Variants in IMPG2 observed in about 807,000 individuals in gnomAD.
IMPG2 encodes the protein IPM 200.
Under a neutral mutation model 129.2 loss-of-function variants are expected in IMPG2, and 91 were observed. The ratio of observed to expected loss-of-function variants is 0.70; its 90% CI spans 0.59 to 0.84. The LOEUF is 0.84. Among genes scored for constraint, IMPG2 ranks in the 40% least tolerant of loss-of-function variants. The pLI is 0.00. For synonymous variants in IMPG2, 510 were observed against 517.7 expected (o/e 0.99, Z 0.20); for missense variants, 1,430 against 1,461.7 (o/e 0.98, Z 0.35).
At chr3:101,251,166 A>G (rs1390648927) in intron 11 of IMPG2, among the ~76,000 whole-genome samples, 2 of 152,242 alleles carry the variant, frequency 1.3e-5, no homozygotes, top group East Asian at 3.8e-4. Flanking sequence ...ATAACCTGGC[A>G]CACATTAGGA....
At position 101,283,587 on chromosome 3, in the gene IMPG2, G is replaced by A. The variant is rs559494561; in HGVS notation, c.534-6874C>T. ...ATATATACAGAGTATACAGTAGATG[G>A]CCAGAAGCCACAGAGTAGACTTGGC... On this transcript the variant is annotated intron_variant, in intron 4 of 18. Coordinates refer to ENST00000193391, the MANE Select transcript of IMPG2 (RefSeq NM_016247.4). Among the ~76,000 whole-genome samples, 19 of 152,146 alleles carry A rather than the reference G, an allele frequency of 1.2e-4. 1 individual carries two copies. Among genetic ancestry groups the A allele is most frequent in the African/African-American group, 4.6e-4 (19 of 41,504 alleles).
chr3:101,231,297 T>A, intron 15 of IMPG2, 152 bp from the exon 16 acceptor site: 1 of 773,526 alleles, frequency 1.3e-6, no homozygotes, highest in Non-Finnish European at 2.2e-6. Flanking sequence ...GATTAAAAGA[T>A]CATACAATTT....
In IMPG2 at chr3:101,319,752, G is replaced by A; in HGVS notation, c.166C>T (p.Leu56Phe). ...SFLLPEESTD[L>F]SLATKKKQPL... Reference sequence around the variant, plus strand: ...TGTTTCTTTTTGGTAGCTAGAGAAAGGTCTGTTGATTCTTCAGGCAGGAGA... The same window carrying A: ...TGTTTCTTTTTGGTAGCTAGAGAAAAGTCTGTTGATTCTTCAGGCAGGAGA... The change falls in exon 2 of 19, where the codon CTT (leucine) becomes TTT (phenylalanine). Residue 56 changes from leucine (L) to phenylalanine (F), a missense_variant. Leu to Phe is a conservative substitution (Grantham distance 22). Transcript: ENST00000193391. 6.2e-7 allele frequency: 1 copy of A among 1,613,556 alleles called. No individual in the cohort carries two copies.
rs193920760 is a variant in IMPG2 at position 101,246,080 on chromosome 3, G to A, written c.1265C>T (p.Pro422Leu). ...ILDNTFQAAW[P>L]SADESITSSI... ...GCTGGTGATGGATTCATCTGCTGAG[G>A]GCCATGCAGCTTGAAAGGTATTATC... is the stretch of plus-strand genomic sequence containing the variant. The change falls in exon 12 of 19, where the codon CCC (proline) becomes CTC (leucine). Residue 422 changes from proline (P) to leucine (L), a missense_variant. Coordinates refer to ENST00000193391, the MANE Select transcript of IMPG2 (RefSeq NM_016247.4). The A allele has an allele frequency of 2.5e-6, 4 of 1,614,044 alleles. No individual in the cohort carries two copies. The Admixed American group carries it at 6.7e-5, about 27-fold the overall frequency.
chr3:101,264,278 T>G (rs1290415951), intron 9 of IMPG2, among the ~76,000 whole-genome samples: 2 of 152,066 alleles, frequency 1.3e-5, no homozygotes. Flanking sequence ...AAATCCCTGA[T>G]GAACACAGAT....
At chr3:101,229,342 A>T in intron 17 of IMPG2, 38 bp downstream of exon 17, 1 of 952,234 alleles carries the variant, frequency 1.1e-6, no homozygotes. Context: ...ACACACCAGC[A>T]GTAGCTGCGA....
intron 3 of IMPG2, among the ~76,000 whole-genome samples, chr3:101,297,553 T>G (rs1261533676): frequency 6.6e-6 from 1 of 152,252 alleles, no homozygotes; most frequent in Non-Finnish European, 1.5e-5. Flanking sequence ...TAAATTTCCC[T>G]CTTAACACTG....
chr3:101,280,534 A>G (rs574303282), intron 4 of IMPG2, among the ~76,000 whole-genome samples: 1 of 152,346 alleles, frequency 6.6e-6, no homozygotes, highest in South Asian at 2.1e-4. Flanking sequence ...CAAAAATTAA[A>G]TAAAATATTA....
chr3:101,229,318 C>CCCCG, intron 17 of IMPG2, 62 bp downstream of exon 17: 2 of 1,136,290 alleles, frequency 1.8e-6, no homozygotes, highest in Non-Finnish European at 2.6e-6. Context: ...CCACCACCCC[C>CCCCG]TGCTCCCCCA....
chr3:101,248,065 A>G (rs1228017508), intron 11 of IMPG2, among the ~76,000 whole-genome samples: 4 of 152,162 alleles, frequency 2.6e-5, no homozygotes. Flanking sequence ...AGTTTAGTCT[A>G]TGGCCGTGAA....
intron 4 of IMPG2, among the ~76,000 whole-genome samples, chr3:101,285,180 AG>A (rs573742278): frequency 1.1e-4 from 17 of 152,210 alleles, no homozygotes; most frequent in Non-Finnish European, 2.1e-4. Flanking sequence ...GGATGATGGT[AG>A]GGTTGGAGAT....
intron 15 of IMPG2, among the ~76,000 whole-genome samples, 172 bp from the exon 16 acceptor site, chr3:101,231,317 A>C (rs348868): frequency 0.8 from 122,231 of 152,232 alleles, 49,115 homozygotes; most frequent in Admixed American, 0.83. Flanking sequence ...TAAGGCAGTG[A>C]ATAAAGCCCA....
intron 14 of IMPG2, 109 bp from the exon 15 acceptor site, chr3:101,233,100 C>G (rs1028332880): frequency 1.3e-5 from 12 of 932,448 alleles, no homozygotes; most frequent in Non-Finnish European, 1.7e-5. Flanking sequence ...CAACTCCTTT[C>G]CAGAACCATT....
At chr3:101,310,688 C>A (rs1455636196) in intron 2 of IMPG2, among the ~76,000 whole-genome samples, 1 of 151,876 alleles carries the variant, frequency 6.6e-6, no homozygotes, top group Non-Finnish European at 1.5e-5. Context: ...ATCATTCTTT[C>A]ACTTTTCTGT....
chr3:101,251,913 A>G (rs1003584912), intron 11 of IMPG2, among the ~76,000 whole-genome samples: 2 of 152,180 alleles, frequency 1.3e-5, no homozygotes, highest in South Asian at 4.1e-4. Flanking sequence ...GGAATAAATT[A>G]AAAAGAAAGT....
intron 6 of IMPG2, among the ~76,000 whole-genome samples, chr3:101,274,002 A>C (rs1706816764): frequency 6.6e-6 from 1 of 152,116 alleles, no homozygotes. Flanking sequence ...GTTCAAGACC[A>C]GCCTGGCCAA....
intron 2 of IMPG2, among the ~76,000 whole-genome samples, chr3:101,317,946 C>G (rs901865907): frequency 6.6e-6 from 1 of 151,270 alleles, no homozygotes; most frequent in African/African-American, 2.4e-5. Flanking sequence ...ACGGTGAGAC[C>G]CCATCTCTAC....
At chr3:101,278,713 AC>A (rs575237754) in intron 4 of IMPG2, among the ~76,000 whole-genome samples, 1,868 of 152,148 alleles carry the variant, frequency 0.012, 41 homozygotes, top group African/African-American at 0.043. Flanking sequence ...AAAAAAAAAA[AC>A]AAACTTCACC....
At chr3:101,282,189 T>C (rs1031748786) in intron 4 of IMPG2, among the ~76,000 whole-genome samples, 1 of 152,156 alleles carries the variant, frequency 6.6e-6, no homozygotes, top group Non-Finnish European at 1.5e-5. Flanking sequence ...AAAAAATATA[T>C]ATTTGGCTTT....
Sources: gnomAD v4.1 joint callset for allele counts (sites outside exome capture counted in the v4.1 genomes callset) on GRCh38, gnomAD v4.1.1 for gene constraint, MANE v1.5 for transcripts, NCBI Gene and HGNC (gene_info 2026-07-23, HGNC 2026-07-21) for gene names.